BLM: variants seen among roughly 807,000 people sequenced by gnomAD.
BLM encodes recQ-like DNA helicase BLM.
A neutral mutation model predicts 135.3 loss-of-function variants in BLM; 95 were observed. The ratio of observed to expected loss-of-function variants is 0.70; its 90% confidence interval spans 0.59 to 0.83. The LOEUF is 0.83. BLM is among the 40% of genes least tolerant of loss of function. BLM has a pLI of 0.00. For synonymous variants in BLM, 520 were observed against 589.2 expected (o/e 0.88, Z 1.70); for missense variants, 1,518 against 1,663.9 (o/e 0.91, Z 1.53).
chr15:90,722,773 C>T (rs1894803153), intron 1 of BLM, among the ~76,000 whole-genome samples: 2 of 152,130 alleles, frequency 1.3e-5, no homozygotes, highest in African/African-American at 4.8e-5. Flanking sequence ...TTACCAGGAT[C>T]CCAGGACCCC....
At chr15:90,745,732 G>T (rs1465651852) in intron 1 of BLM, among the ~76,000 whole-genome samples, 2 of 152,174 alleles carry the variant, frequency 1.3e-5, no homozygotes, top group Non-Finnish European at 2.9e-5. Context: ...CTGTATAGTA[G>T]TGAAGTATGG....
intron 12 of BLM, among the ~76,000 whole-genome samples, chr15:90,769,912 G>T (rs1896258690): frequency 6.6e-6 from 1 of 151,988 alleles, no homozygotes; most frequent in Non-Finnish European, 1.5e-5. Flanking sequence ...ATCATCCCTG[G>T]TATAGTCCCA....
In BLM at chr15:90,749,872, A is replaced by G. The variant is rs587779894; in HGVS notation, c.604A>G (p.Asn202Asp). Reference sequence around the variant, plus strand: ...TTTTAAAGCACAGCTTTATACAACAAACACAGTAAAGACTGATTTGCCTCC... The same window carrying G: ...TTTTAAAGCACAGCTTTATACAACAGACACAGTAAAGACTGATTTGCCTCC... ...NFFKAQLYTTNTVKTDLPPPS... is the reference protein window; with the variant it reads ...NFFKAQLYTTDTVKTDLPPPS... The change falls in exon 3 of 22, where the codon AAC (asparagine) becomes GAC (aspartate). Residue 202 changes from asparagine (N) to aspartate (D), a missense_variant. By Grantham distance (23) the Asn-to-Asp change is conservative. This residue lies in a region of BLM where 724 missense variants were observed against 756.9 expected (regional missense o/e 0.96). Coordinates refer to ENST00000355112, the MANE Select transcript of BLM (RefSeq NM_000057.4). 2.5e-6 allele frequency: 4 copies of G among 1,608,030 alleles called. No individual in the cohort carries two copies. The South Asian group carries it at 4.4e-5, about 18-fold the overall frequency.
rs562188630 is a variant in BLM, at chr15:90,809,933, A to T, written c.3874+674A>T. Among the ~76,000 whole-genome samples, 3 of 152,306 alleles carry T rather than the reference A, an allele frequency of 2.0e-5. No individual in the cohort carries two copies. In the South Asian group the frequency reaches 6.2e-4, roughly 32 times the overall value. On this transcript the variant is annotated intron_variant, in intron 20 of 21. Coordinates refer to ENST00000355112, the MANE Select transcript of BLM (RefSeq NM_000057.4). The stretch of plus-strand genomic sequence containing the variant: ...CAGAAGTCTTCTGCCCTCTGATAAC[A>T]TCACCACGTAATAGGACACAACAGA...
rs140037472 is a variant in BLM at position 90,776,585 on chromosome 15, G to A, written c.2556-6237G>A. The stretch of plus-strand genomic sequence containing the variant: ...CAGGATGGAATAAGTACAGTGGTGC[G>A]ATCTCGGCTCACTGCAACCTCTGCC... On this transcript the variant is annotated intron_variant, in intron 12 of 21. Transcript: ENST00000355112. Among the ~76,000 whole-genome samples the A allele has an allele frequency of 4.3e-4, 65 of 152,220 alleles. 1 individual carries two copies. In the East Asian group the frequency reaches 0.011, roughly 26 times the overall value.
intron 1 of BLM, among the ~76,000 whole-genome samples, chr15:90,746,982 G>A (rs934232277): frequency 6.6e-6 from 1 of 151,814 alleles, no homozygotes; most frequent in African/African-American, 2.4e-5. Flanking sequence ...TTGTTCTTTG[G>A]GCTTTCCGTG....
At chr15:90,777,005 TTTTG>T (rs1567049294) in intron 12 of BLM, among the ~76,000 whole-genome samples, 1 of 151,930 alleles carries the variant, frequency 6.6e-6, no homozygotes, top group African/African-American at 2.4e-5. Flanking sequence ...TTTGTTTTGT[TTTTG>T]TTTTTGTTTT....
chr15:90,749,734 G>T lies in BLM; in HGVS notation c.466G>T (p.Asp156Tyr). The change falls in exon 3 of 22, where the codon GAT (aspartate) becomes TAT (tyrosine). Residue 156 changes from aspartate (D) to tyrosine (Y), a missense_variant. Physicochemically the swap from Asp to Tyr is radical, Grantham distance 160. Coordinates refer to ENST00000355112, the MANE Select transcript of BLM (RefSeq NM_000057.4). ...DSLSTINDWD[D>Y]MDDFDTSETS... is the part of the protein sequence containing the mutation. ...TTTAAGTACCATCAATGATTGGGATGATATGGATGACTTTGATACTTCTGA... is the reference window on the plus strand; with the variant it reads ...TTTAAGTACCATCAATGATTGGGATTATATGGATGACTTTGATACTTCTGA... The T allele has an allele frequency of 1.9e-6, 3 of 1,614,168 alleles. No homozygotes were observed. Among genetic ancestry groups the T allele is most frequent in the Non-Finnish European group, 2.5e-6 (3 of 1,180,012 alleles).
Position 90,718,881 on chromosome 15 carries a change from G to A in BLM, c.-5+1441G>A, listed in dbSNP as rs541735659. Among the ~76,000 whole-genome samples the A allele has an allele frequency of 1.0e-3, 154 of 152,296 alleles. 2 individuals are homozygous for A. Among genetic ancestry groups the A allele is most frequent in the East Asian group, 2.1e-3 (11 of 5,188 alleles). On this transcript the variant is annotated intron_variant, in intron 1 of 21. Transcript: ENST00000355112. ...GACAGGTGGTATTACCTATGAGCAG[G>A]AAGGGAAGGGAAAAAGGTAAGGGGA... is the stretch of plus-strand genomic sequence containing the variant.
At chr15:90,750,123 C>G in intron 3 of BLM, 56 bp downstream of exon 3, 2 of 1,559,996 alleles carry the variant, frequency 1.3e-6, no homozygotes, top group Non-Finnish European at 8.8e-7. Flanking sequence ...TTATTCAAAG[C>G]TAGCCATTGG....
chr15:90,794,482 T>G, intron 16 of BLM, 125 bp downstream of exon 16: 1 of 697,870 alleles, frequency 1.4e-6, no homozygotes, highest in South Asian at 2.3e-5. Context: ...ACAGCTTCCT[T>G]CCAGTAGTAA....
At chr15:90,788,479 T>TG (rs1451354591) in intron 14 of BLM, among the ~76,000 whole-genome samples, 66 of 144,562 alleles carry the variant, frequency 4.6e-4, no homozygotes, top group African/African-American at 1.6e-3. Flanking sequence ...TTGTTTTTTT[T>TG]TTTTTTTTTT....
At chr15:90,747,262 A>ATTC in intron 1 of BLM, 127 bp from the exon 2 acceptor site, 1 of 557,984 alleles carries the variant, frequency 1.8e-6, no homozygotes, top group Non-Finnish European at 3.1e-6. Flanking sequence ...AAAAAAAAAA[A>ATTC]AGTCCTATTA....
At chr15:90,741,892 G>T (rs1303454415) in intron 1 of BLM, among the ~76,000 whole-genome samples, 1 of 152,124 alleles carries the variant, frequency 6.6e-6, no homozygotes, top group Non-Finnish European at 1.5e-5. Context: ...AAAATATATG[G>T]TATTTGTTGG....
rs569753700 is a variant in BLM, at chr15:90,771,199, G to A, written c.2555+1613G>A. Among the ~76,000 whole-genome samples, 9 of 152,236 alleles carry A rather than the reference G, an allele frequency of 5.9e-5. No homozygotes were observed. The East Asian group carries it at 7.7e-4, about 13-fold the overall frequency. On this transcript the variant is annotated intron_variant, in intron 12 of 21. Transcript: ENST00000355112. Reference sequence around the variant, plus strand: ...ATTATAATGCTATATTTAAGATGTCGTATTAGGCTGGGTGCAGTGGCTCAT... The same window carrying A: ...ATTATAATGCTATATTTAAGATGTCATATTAGGCTGGGTGCAGTGGCTCAT...
At chr15:90,759,710 G>A (rs984296092) in intron 5 of BLM, among the ~76,000 whole-genome samples, 11 of 151,826 alleles carry the variant, frequency 7.2e-5, no homozygotes, top group Non-Finnish European at 1.2e-4. Context: ...AGGTTCAAGC[G>A]ATTCTCCTGC....
chr15:90,780,560 T>C (rs1896593685), intron 12 of BLM, among the ~76,000 whole-genome samples: 1 of 152,224 alleles, frequency 6.6e-6, no homozygotes, highest in South Asian at 2.1e-4. Flanking sequence ...ATCAGTCTTA[T>C]GAAAAAGGAC....
intron 1 of BLM, among the ~76,000 whole-genome samples, chr15:90,719,026 C>T (rs1894688067): frequency 6.6e-6 from 1 of 152,128 alleles, no homozygotes; most frequent in African/African-American, 2.4e-5. Flanking sequence ...GAGTCTCGCT[C>T]TGTCGCCCAG....
intron 10 of BLM, among the ~76,000 whole-genome samples, chr15:90,767,384 G>A (rs1264919421): frequency 6.6e-6 from 1 of 152,172 alleles, no homozygotes; most frequent in African/African-American, 2.4e-5. Flanking sequence ...GGTTTCACTA[G>A]TTGTCCCAAT....
Sources: gnomAD v4.1 joint callset for allele counts (sites outside exome capture counted in the v4.1 genomes callset) on GRCh38, gnomAD v4.1.1 for gene constraint, gnomAD v4.1.1 regional missense constraint, MANE v1.5 for transcripts, NCBI Gene and HGNC (gene_info 2026-07-23, HGNC 2026-07-21) for gene names.